The following SPRED1 variants were observed in gnomAD, a reference collection of about 807,000 sequenced individuals.
SPRED1 encodes the protein sprouty-related, EVH1 domain-containing protein 1.
A neutral mutation model predicts 52.3 loss-of-function variants in SPRED1; 18 were observed. The ratio of observed to expected loss-of-function variants is 0.34; its 90% confidence interval spans 0.24 to 0.51. The LOEUF (loss-of-function observed/expected upper bound fraction) is 0.51. Among genes scored for constraint, SPRED1 ranks in the 20% least tolerant of loss-of-function variants. The pLI is 0.97. For missense variants in SPRED1, 485 were observed against 551.0 expected, an observed-to-expected ratio of 0.88 and a Z score of 1.20; for synonymous variants, 155 against 179.7, an observed-to-expected ratio of 0.86 and a Z score of 1.10.
intron 1 of SPRED1, among the ~76,000 whole-genome samples, chr15:38,272,017 C>T (rs963225685): frequency 7.2e-5 from 11 of 152,116 alleles, no homozygotes; most frequent in African/African-American, 2.2e-4. Context: ...GTTTTCTGTT[C>T]CTGCCTGAAT....
intron 2 of SPRED1, among the ~76,000 whole-genome samples, chr15:38,317,014 C>T (rs1448799681): frequency 6.6e-6 from 1 of 151,450 alleles, no homozygotes; most frequent in Admixed American, 6.6e-5. Flanking sequence ...GATGTCTTTC[C>T]AGTTTATTAA....
intron 6 of SPRED1, 143 bp downstream of exon 6, chr15:38,349,666 A>G (rs927206327): frequency 3.2e-6 from 2 of 626,354 alleles, no homozygotes; most frequent in Non-Finnish European, 5.7e-6. Context: ...ATGTGCTTAA[A>G]CGCTGTTAGT....
intron 6 of SPRED1, among the ~76,000 whole-genome samples, chr15:38,350,089 G>GTGT: frequency 6.6e-6 from 1 of 152,316 alleles, no homozygotes; most frequent in Non-Finnish European, 1.5e-5. Flanking sequence ...CTACACACAT[G>GTGT]TGTGTCTTTG....
At chr15:38,257,603 A>T (rs1894125499) in intron 1 of SPRED1, among the ~76,000 whole-genome samples, 1 of 152,204 alleles carries the variant, frequency 6.6e-6, no homozygotes, top group Admixed American at 6.5e-5. Context: ...CCTCTGAGTT[A>T]TGTGGTGTAT....
chr15:38,262,857 C>T (rs1350184403), intron 1 of SPRED1, among the ~76,000 whole-genome samples: 1 of 152,200 alleles, frequency 6.6e-6, no homozygotes, highest in Non-Finnish European at 1.5e-5. Context: ...TACCTTCCCT[C>T]CTCACCACAA....
At chr15:38,290,286 G>A (rs925370511) in intron 1 of SPRED1, among the ~76,000 whole-genome samples, 21 of 152,122 alleles carry the variant, frequency 1.4e-4, no homozygotes, top group African/African-American at 4.8e-4. Flanking sequence ...GGAGTCATGG[G>A]GAATGGACAC....
At chr15:38,262,721 A>G (rs1472096225) in intron 1 of SPRED1, among the ~76,000 whole-genome samples, 1 of 152,210 alleles carries the variant, frequency 6.6e-6, no homozygotes, top group Admixed American at 6.5e-5. Flanking sequence ...GCCCCTGGAA[A>G]TCAGTTTTTC....
At chr15:38,347,625 T>C (rs1437396192) in intron 5 of SPRED1, among the ~76,000 whole-genome samples, 1 of 152,060 alleles carries the variant, frequency 6.6e-6, no homozygotes, top group African/African-American at 2.4e-5. Context: ...TTCGTGAATA[T>C]GATATATACC....
intron 4 of SPRED1, among the ~76,000 whole-genome samples, chr15:38,335,833 G>A (rs1895903098): frequency 1.3e-5 from 2 of 151,310 alleles, no homozygotes; most frequent in Non-Finnish European, 3.0e-5. Flanking sequence ...TCATAAACAT[G>A]TTAATTGAAA....
chr15:38,312,165 T>C (rs1895381885), intron 2 of SPRED1, among the ~76,000 whole-genome samples: 1 of 152,176 alleles, frequency 6.6e-6, no homozygotes, highest in African/African-American at 2.4e-5. Context: ...TTTTTGTGTT[T>C]CTAAATGGTT....
In SPRED1 at chr15:38,320,725, C is replaced by A. The variant is rs112987792; in HGVS notation, c.208-1516C>A. ...GGTTTCATTTGAATTATTTTTAATT[C>A]TTTTCCTCCTGTTTTCTTATAGGGG... On this transcript the variant is annotated intron_variant, in intron 2 of 6. Coordinates refer to ENST00000299084, the MANE Select transcript of SPRED1 (RefSeq NM_152594.3). Among the ~76,000 whole-genome samples, 1,280 of 152,146 alleles carry A rather than the reference C, an allele frequency of 8.4e-3. 18 individuals carry two copies. The highest frequency in any genetic ancestry group is 0.029 in the African/African-American group (1,203 of 41,522).
At chr15:38,310,148 TGTGTG>T (rs1566863218) in intron 2 of SPRED1, among the ~76,000 whole-genome samples, 20 of 140,546 alleles carry the variant, frequency 1.4e-4, no homozygotes, top group African/African-American at 1.6e-4. Context: ...TGTGTGTGTG[TGTGTG>T]TTTGGAGACG....
chr15:38,350,087 A>G (rs1462578661), intron 6 of SPRED1, among the ~76,000 whole-genome samples: 2 of 152,194 alleles, frequency 1.3e-5, no homozygotes, highest in African/African-American at 4.8e-5. Context: ...AGCTACACAC[A>G]TGTGTGTCTT....
intron 1 of SPRED1, among the ~76,000 whole-genome samples, chr15:38,273,901 T>C (rs1196558280): frequency 6.6e-6 from 1 of 152,194 alleles, no homozygotes; most frequent in Admixed American, 6.5e-5. Context: ...CCTTCAGTTA[T>C]TTATACTAAA....
intron 1 of SPRED1, among the ~76,000 whole-genome samples, chr15:38,269,494 A>G (rs1239797920): frequency 6.6e-6 from 1 of 152,026 alleles, no homozygotes; most frequent in African/African-American, 2.4e-5. Context: ...TGGTCCTCCC[A>G]CTTCAGCCTC....
chr15:38,266,643 AAAACAAACAAAC>A (rs60503156), intron 1 of SPRED1, among the ~76,000 whole-genome samples: 125,280 of 151,804 alleles, frequency 0.83, 52,447 homozygotes, highest in Non-Finnish European at 0.9. Flanking sequence ...TCTGTCTCAA[AAAACAAACAAAC>A]AAACAAACAA....
intron 1 of SPRED1, among the ~76,000 whole-genome samples, chr15:38,270,653 G>T (rs1192075204): frequency 6.6e-6 from 1 of 152,130 alleles, no homozygotes; most frequent in African/African-American, 2.4e-5. Context: ...CACAAGAACA[G>T]CGAGGGGGTA....
chr15:38,311,941 C>T (rs914789970), intron 2 of SPRED1, among the ~76,000 whole-genome samples: 3 of 151,918 alleles, frequency 2.0e-5, no homozygotes, highest in Non-Finnish European at 4.4e-5. Flanking sequence ...TTTGCTCTCC[C>T]TTCTTTAGTC....
chr15:38,352,640 T>A lies in SPRED1; in HGVS notation c.*976T>A, dbSNP rs1888518055. 2.6e-5 allele frequency: 4 copies of A among 152,330 alleles called. No individual in the cohort carries two copies. Among genetic ancestry groups the A allele is most frequent in the Admixed American group, 2.6e-4 (4 of 15,278 alleles). The allele number at this position is 152,330 out of a possible 1,614,324, so 9.4% of individuals were successfully genotyped here. A position where few individuals can be genotyped will look rare whatever the true frequency, so the allele number is the denominator to read the frequency against. On this transcript the variant is annotated 3_prime_UTR_variant, in exon 7 of 7. Transcript: ENST00000299084. Reference sequence around the variant, plus strand: ...CAAAAAGTTATATTGCATTTACAAATGTTTTACAAGGCAGAAAGTTTGACT... The same window carrying A: ...CAAAAAGTTATATTGCATTTACAAAAGTTTTACAAGGCAGAAAGTTTGACT...
Sources: gnomAD v4.1 joint callset for allele counts (sites outside exome capture counted in the v4.1 genomes callset) on GRCh38, gnomAD v4.1.1 for gene constraint, MANE v1.5 for transcripts, NCBI Gene and HGNC (gene_info 2026-07-23, HGNC 2026-07-21) for gene names.